CRIM1: variants seen among roughly 807,000 people sequenced by gnomAD.
CRIM1 encodes the protein cysteine rich transmembrane BMP regulator 1.
Under a neutral mutation model 116.4 loss-of-function variants are expected in CRIM1, and 32 were observed. The ratio of observed to expected loss-of-function variants is 0.27; its 90% CI spans 0.21 to 0.37. The LOEUF is 0.37. CRIM1 is among the 10% of genes least tolerant of loss of function. The probability of loss-of-function intolerance (pLI) is 1.00; values close to 1 mark genes in which losing one functional copy is unlikely to be tolerated. For missense variants in CRIM1, 1,331 were observed against 1,354.8 expected (o/e 0.98, Z 0.28); for synonymous variants, 590 against 509.2 (o/e 1.16, Z -2.13).
chr2:36,541,245 C>A (rs571017261), intron 14 of CRIM1, among the ~76,000 whole-genome samples: 2 of 152,286 alleles, frequency 1.3e-5, no homozygotes, highest in African/African-American at 4.8e-5. Flanking sequence ...ATTATACCAT[C>A]TCAGAAATGA....
At chr2:36,379,744 T>C (rs80259201) in intron 1 of CRIM1, among the ~76,000 whole-genome samples, 99 of 94,956 alleles carry the variant, frequency 1.0e-3, no homozygotes, top group Middle Eastern at 5.6e-3. Flanking sequence ...CTTTCTCTCT[T>C]TTTTTTTTTT....
intron 1 of CRIM1, among the ~76,000 whole-genome samples, chr2:36,366,360 A>G (rs1669602656): frequency 6.6e-6 from 1 of 152,226 alleles, no homozygotes; most frequent in Non-Finnish European, 1.5e-5. Flanking sequence ...ATGTCAAAAT[A>G]ACACCCTAAT....
At chr2:36,452,179 G>C (rs1676784630) in intron 4 of CRIM1, among the ~76,000 whole-genome samples, 2 of 151,166 alleles carry the variant, frequency 1.3e-5, no homozygotes, top group African/African-American at 2.4e-5. Flanking sequence ...CATTTTTGTT[G>C]TTGTCGTTCC....
At chr2:36,481,249 A>C (rs187691951) in intron 7 of CRIM1, among the ~76,000 whole-genome samples, 5 of 152,182 alleles carry the variant, frequency 3.3e-5, no homozygotes, top group Non-Finnish European at 7.3e-5. Context: ...ATCCATCATG[A>C]AGAGTGGAGA....
chr2:36,509,941 G>C, intron 8 of CRIM1, 42 bp from the exon 9 acceptor site: 3 of 1,595,756 alleles, frequency 1.9e-6, no homozygotes, highest in Non-Finnish European at 2.6e-6. Flanking sequence ...GTTCTGCTCT[G>C]TTCATCTTTG....
In CRIM1 at chr2:36,548,939, A is replaced by G. The variant is rs931584853; in HGVS notation, c.*238A>G. On this transcript the variant is annotated 3_prime_UTR_variant, in exon 17 of 17. Coordinates refer to ENST00000280527, the MANE Select transcript of CRIM1 (RefSeq NM_016441.3). ...AGAACCAAAGTTTTTAAAGTTGCTA[A>G]GATATATTTGCCTGTAAGATAGCTG... is the stretch of plus-strand genomic sequence containing the variant. 1.0e-5 allele frequency: 3 copies of G among 298,408 alleles called. No individual in the cohort carries two copies. The highest frequency in any genetic ancestry group is 1.9e-5 in the Non-Finnish European group (3 of 161,610). 18.5% of individuals were successfully genotyped at this position (298,408 alleles called of 1,614,324 possible). A position where few individuals can be genotyped will look rare whatever the true frequency, so the allele number is the denominator to read the frequency against.
rs751030347 is a variant in CRIM1, at chr2:36,495,889, A to G, written c.1373-3330A>G. Among the ~76,000 whole-genome samples the G allele has an allele frequency of 3.3e-5, 5 of 152,154 alleles. No homozygotes were observed. In the East Asian group the frequency reaches 5.8e-4, roughly 18 times the overall value. On this transcript the variant is annotated intron_variant, in intron 7 of 16. Transcript: ENST00000280527. Reference sequence around the variant, plus strand: ...TAATTCATAAATAGGTAGATAGTCTATATACTTACCGGTCATATTTTTGTC... The same window carrying G: ...TAATTCATAAATAGGTAGATAGTCTGTATACTTACCGGTCATATTTTTGTC...
At chr2:36,400,286 T>A (rs955097155) in intron 2 of CRIM1, among the ~76,000 whole-genome samples, 3 of 152,130 alleles carry the variant, frequency 2.0e-5, no homozygotes, top group African/African-American at 7.2e-5. Flanking sequence ...AAAGTTATTA[T>A]TGGTTGTAAT....
intron 2 of CRIM1, among the ~76,000 whole-genome samples, chr2:36,401,991 C>A (rs60180762): frequency 1.3e-5 from 2 of 152,266 alleles, no homozygotes; most frequent in South Asian, 2.1e-4. Flanking sequence ...AACCTTCTGC[C>A]ATCCCCTAAG....
At position 36,416,610 on chromosome 2, in the gene CRIM1, T is replaced by G. The variant is rs150727744; in HGVS notation, c.505+19823T>G. Among the ~76,000 whole-genome samples, 33 of 152,366 alleles carry G rather than the reference T, an allele frequency of 2.2e-4. No individual in the cohort carries two copies. In the East Asian group the frequency reaches 6.2e-3, roughly 28 times the overall value. ...TTTGACCTGTCATTTGATTTTAGTT[T>G]ACGCCTAATTTCATTTAAGCTTATC... On this transcript the variant is annotated intron_variant, in intron 2 of 16. Coordinates refer to ENST00000280527, the MANE Select transcript of CRIM1 (RefSeq NM_016441.3).
Position 36,509,986 on chromosome 2 carries a change from A to G in CRIM1, c.1505A>G (p.Glu502Gly), listed in dbSNP as rs1558384379. ...TGCCGTCTCTGTGTCTTCACAGCCG[A>G]GGAACTATGTTCAGAACGTAAACAA... Reference protein sequence around the residue: ...GCRTCQCINTEELCSERKQGC... With the variant: ...GCRTCQCINTGELCSERKQGC... The change falls in exon 9 of 17, where the codon GAG becomes GGG. Residue 502 changes from glutamate (E) to glycine (G), a missense_variant. Glu to Gly is a moderately conservative substitution (Grantham distance 98). This residue lies in a region of CRIM1 where 690 missense variants were observed against 676.0 expected (regional missense o/e 1.02). Coordinates refer to ENST00000280527, the MANE Select transcript of CRIM1 (RefSeq NM_016441.3). 6.2e-7 allele frequency: 1 copy of G among 1,613,618 alleles called. No homozygotes were observed. Among genetic ancestry groups the G allele is most frequent in the Admixed American group, 1.7e-5 (1 of 59,956 alleles).
At chr2:36,476,304 G>A (rs1678970137) in intron 5 of CRIM1, among the ~76,000 whole-genome samples, 1 of 151,900 alleles carries the variant, frequency 6.6e-6, no homozygotes, top group African/African-American at 2.4e-5. Flanking sequence ...TTTAAACTCA[G>A]GATAATAATA....
rs891303409 is a variant in CRIM1 at position 36,462,207 on chromosome 2, TA to T, written c.870-2317del. ...GCTGGAGACAACTTGTAAGGGACTT[TA>T]AAAAAAAAATAGGAATATTTAAATG... On this transcript the variant is annotated intron_variant, in intron 4 of 16. Transcript: ENST00000280527. Among the ~76,000 whole-genome samples, 334 of 149,552 alleles carry T rather than the reference TA, an allele frequency of 2.2e-3. 1 individual carries two copies. Among genetic ancestry groups the T allele is most frequent in the African/African-American group, 7.0e-3 (287 of 40,952 alleles).
chr2:36,535,766 T>C (rs1666502040), intron 13 of CRIM1, among the ~76,000 whole-genome samples: 1 of 152,244 alleles, frequency 6.6e-6, no homozygotes, highest in South Asian at 2.1e-4. Context: ...TTGAGTATTG[T>C]CTGCCCTCCT....
At chr2:36,495,409 G>A (rs1390919583) in intron 7 of CRIM1, among the ~76,000 whole-genome samples, 3 of 151,518 alleles carry the variant, frequency 2.0e-5, no homozygotes, top group Admixed American at 2.0e-4. Flanking sequence ...CTAACTTTTA[G>A]ACAAGCAGAA....
chr2:36,395,606 C>T (rs1558535836), intron 1 of CRIM1, among the ~76,000 whole-genome samples: 1 of 152,316 alleles, frequency 6.6e-6, no homozygotes, highest in South Asian at 2.1e-4. Context: ...TTTTTTGGAG[C>T]TGAGTCCCAT....
chr2:36,434,450 G>T (rs1675137579), intron 2 of CRIM1, among the ~76,000 whole-genome samples: 1 of 152,218 alleles, frequency 6.6e-6, no homozygotes, highest in Admixed American at 6.5e-5. Flanking sequence ...GACGACTAGT[G>T]GGAAAATCAT....
At chr2:36,395,806 A>G (rs753178074) in intron 1 of CRIM1, among the ~76,000 whole-genome samples, 8 of 152,154 alleles carry the variant, frequency 5.3e-5, no homozygotes, top group Non-Finnish European at 7.3e-5. Flanking sequence ...AACGCATTAG[A>G]GGGGATCCCC....
chr2:36,357,097 G>C (rs1668885433), intron 1 of CRIM1, among the ~76,000 whole-genome samples: 1 of 152,194 alleles, frequency 6.6e-6, no homozygotes, highest in Admixed American at 6.5e-5. Flanking sequence ...GAGGAGACGT[G>C]TCTCCAGCTC....
Sources: gnomAD v4.1 joint callset for allele counts (sites outside exome capture counted in the v4.1 genomes callset) on GRCh38, gnomAD v4.1.1 for gene constraint, gnomAD v4.1.1 regional missense constraint, MANE v1.5 for transcripts, NCBI Gene and HGNC (gene_info 2026-07-23, HGNC 2026-07-21) for gene names.